VGLL4: variants seen among roughly 807,000 people sequenced by gnomAD.
VGLL4 encodes vestigial like family member 4, also known as transcription cofactor vestigial-like protein 4.
VGLL4 carries 7 observed loss-of-function variants against 21.0 expected under a neutral mutation model. That is an observed-to-expected ratio of 0.33 (90% CI 0.19 to 0.63). The LOEUF is 0.63. Ranked by LOEUF, VGLL4 falls within the 20% of genes least tolerant of loss-of-function variation. The pLI, the probability that VGLL4 is intolerant of heterozygous loss-of-function variation, is 0.78. For synonymous variants in VGLL4, 222 were observed against 173.2 expected (o/e 1.28, Z -2.21); for missense variants, 394 against 425.7 (o/e 0.93, Z 0.66).
chr3:11,701,944 G>T lies in VGLL4; in HGVS notation c.64+1027C>A, dbSNP rs6777953. ...CGTTTAAAAATAAATATATTGTTGG[G>T]TGAGCAGGAAAATCACTTTAAAATG... On this transcript the variant is annotated intron_variant, in intron 2 of 5. Coordinates refer to the VGLL4 transcript ENST00000273038. Among the ~76,000 whole-genome samples, 89 of 152,244 alleles carry T rather than the reference G, an allele frequency of 5.8e-4. 1 individual carries two copies. Among genetic ancestry groups the T allele is most frequent in the African/African-American group, 1.9e-3 (79 of 41,544 alleles).
At chr3:11,570,202 T>C (rs1205934977) in intron 2 of VGLL4, among the ~76,000 whole-genome samples, 1 of 152,014 alleles carries the variant, frequency 6.6e-6, no homozygotes, top group Admixed American at 6.6e-5. Context: ...ACCGGCCCTG[T>C]GGCATCAGCC....
At chr3:11,622,856 T>C (rs1349565115) in intron 1 of VGLL4, among the ~76,000 whole-genome samples, 3 of 152,222 alleles carry the variant, frequency 2.0e-5, no homozygotes, top group Admixed American at 6.5e-5. Context: ...TGTGAGCTCA[T>C]GTAACTGAGA....
intron 2 of VGLL4, among the ~76,000 whole-genome samples, chr3:11,659,402 G>A (rs1182673462): frequency 7.3e-6 from 1 of 136,312 alleles, no homozygotes; most frequent in African/African-American, 2.8e-5. Flanking sequence ...TGTGATCTCG[G>A]CTCACCGCAA....
intron 2 of VGLL4, among the ~76,000 whole-genome samples, chr3:11,678,242 G>A (rs763607633): frequency 5.3e-5 from 8 of 152,118 alleles, no homozygotes; most frequent in Non-Finnish European, 1.0e-4. Context: ...TTTTAGTAGA[G>A]ATGAGGTTTC....
intron 2 of VGLL4, among the ~76,000 whole-genome samples, chr3:11,655,937 TA>T (rs1331474129): frequency 2.0e-5 from 3 of 152,144 alleles, no homozygotes; most frequent in Admixed American, 6.5e-5. Context: ...GGGTGACCAC[TA>T]AACATTTCTT....
chr3:11,674,645 A>G (rs1048508022), intron 2 of VGLL4, among the ~76,000 whole-genome samples: 3 of 152,164 alleles, frequency 2.0e-5, no homozygotes, highest in African/African-American at 7.2e-5. Flanking sequence ...GTGAGATAAA[A>G]CAGAAACCTG....
At chr3:11,708,071 C>G (rs2076787056) in intron 1 of VGLL4, among the ~76,000 whole-genome samples, 1 of 152,122 alleles carries the variant, frequency 6.6e-6, no homozygotes, top group African/African-American at 2.4e-5. Flanking sequence ...CCAGGTAAAC[C>G]ACTTCCAATC....
chr3:11,621,058 T>A (rs1451882201), intron 1 of VGLL4, among the ~76,000 whole-genome samples: 1 of 152,208 alleles, frequency 6.6e-6, no homozygotes. Flanking sequence ...GAGCTAATAC[T>A]TTGCACAATA....
At chr3:11,691,291 A>G (rs973265688) in intron 2 of VGLL4, among the ~76,000 whole-genome samples, 1 of 151,220 alleles carries the variant, frequency 6.6e-6, no homozygotes, top group Admixed American at 6.6e-5. Context: ...TCTCACTCAC[A>G]TGGAATTTTA....
chr3:11,662,356 C>T (rs1358099274), intron 2 of VGLL4, among the ~76,000 whole-genome samples: 2 of 152,168 alleles, frequency 1.3e-5, no homozygotes, highest in Non-Finnish European at 2.9e-5. Context: ...TCTTGATACA[C>T]TTAAGAACAG....
chr3:11,710,883 T>G (rs1182116504), intron 1 of VGLL4, among the ~76,000 whole-genome samples: 1 of 151,696 alleles, frequency 6.6e-6, no homozygotes, highest in African/African-American at 2.4e-5. Flanking sequence ...GCAGATCACT[T>G]GAGGTCAGGA....
intron 2 of VGLL4, among the ~76,000 whole-genome samples, chr3:11,677,277 A>T (rs1261380165): frequency 2.1e-5 from 3 of 145,300 alleles, no homozygotes; most frequent in Non-Finnish European, 4.6e-5. Context: ...ACAGACTGCA[A>T]TTTTTTTTTT....
chr3:11,603,188 G>A (rs1386932244), intron 1 of VGLL4, among the ~76,000 whole-genome samples: 1 of 152,226 alleles, frequency 6.6e-6, no homozygotes, highest in Non-Finnish European at 1.5e-5. Context: ...GGAGAAAGGA[G>A]TGAGGAAAAA....
chr3:11,557,192 T>A lies in VGLL4; in HGVS notation c.*1364A>T, dbSNP rs1283782158. Reference sequence around the variant, plus strand: ...GCTGTGACCTCCACAGCTGTGTCTGTCATGCTTGCTTCATCTAATTTCTAG... The same window carrying A: ...GCTGTGACCTCCACAGCTGTGTCTGACATGCTTGCTTCATCTAATTTCTAG... On this transcript the variant is annotated 3_prime_UTR_variant, in exon 5 of 5. Transcript: ENST00000430365. The A allele has an allele frequency of 6.5e-6, 1 of 152,788 alleles. No individual in the cohort carries two copies. The highest frequency in any genetic ancestry group is 1.5e-5 in the Non-Finnish European group (1 of 68,044). The allele number at this position is 152,788 out of a possible 1,614,324, so 9.5% of individuals were successfully genotyped here.
chr3:11,598,087 G>C (rs1325273125), intron 2 of VGLL4, among the ~76,000 whole-genome samples: 1 of 151,970 alleles, frequency 6.6e-6, no homozygotes, highest in Non-Finnish European at 1.5e-5. Context: ...GCAACGGCAT[G>C]ATCTCGGCTC....
chr3:11,633,019 G>A (rs1448772220), intron 1 of VGLL4: 1 of 152,186 alleles, frequency 6.6e-6, no homozygotes, highest in African/African-American at 2.4e-5. Context: ...GTCCTAAAGA[G>A]TTTTTCTTCT....
Position 11,643,337 on chromosome 3 carries a change from CGGA to C in VGLL4, c.82+97_82+99del, listed in dbSNP as rs142208635. 294 of 1,589,238 alleles carry C rather than the reference CGGA, an allele frequency of 1.8e-4. 1 individual carries two copies. The East Asian group carries it at 5.7e-3, about 31-fold the overall frequency. On this transcript the variant is annotated intron_variant, in intron 1 of 4. Transcript: ENST00000430365. ...CCGGCCTTTCAAGTGCCCTACACCC[CGGA>C]GGAGGACAGCGGGCGCTTAGAAGGC...
intron 2 of VGLL4, among the ~76,000 whole-genome samples, chr3:11,566,266 A>G (rs1419627434): frequency 6.6e-6 from 1 of 152,222 alleles, no homozygotes; most frequent in Non-Finnish European, 1.5e-5. Flanking sequence ...GTACCTTTCT[A>G]AAACTGTAGA....
intron 2 of VGLL4, among the ~76,000 whole-genome samples, chr3:11,701,473 G>A (rs6775028): frequency 0.16 from 24,277 of 152,136 alleles, 2,773 homozygotes; most frequent in African/African-American, 0.31. Flanking sequence ...AATGGACTAA[G>A]ACACATGTTA....
Sources: gnomAD v4.1 joint callset for allele counts (sites outside exome capture counted in the v4.1 genomes callset) on GRCh38, gnomAD v4.1.1 for gene constraint, MANE v1.5 for transcripts, NCBI Gene and HGNC (gene_info 2026-07-23, HGNC 2026-07-21) for gene names.